Variants in SPART observed in about 807,000 individuals in gnomAD.
SPART encodes the protein spartin.
Under a neutral mutation model 58.7 loss-of-function variants are expected in SPART, and 35 were observed. The observed-to-expected ratio is 0.60, with a 90% CI of 0.46 to 0.79. The LOEUF (loss-of-function observed/expected upper bound fraction) is 0.79, where lower values mean the gene tolerates loss of function less well. Among genes scored for constraint, SPART ranks in the 30% least tolerant of loss-of-function variants. The pLI is 0.00. For missense variants in SPART, 730 were observed against 786.1 expected (o/e 0.93, Z 0.85); for synonymous variants, 284 against 280.7 (o/e 1.01, Z -0.12).
chr13:36,314,074 C>T (rs1881414949), intron 6 of SPART, 153 bp downstream of exon 6: 1 of 743,310 alleles, frequency 1.3e-6, no homozygotes, highest in East Asian at 2.7e-5. Context: ...TGCTGGTCCG[C>T]AGGTCTCACT....
At chr13:36,322,552 C>A (rs1882518098) in intron 5 of SPART, among the ~76,000 whole-genome samples, 1 of 152,182 alleles carries the variant, frequency 6.6e-6, no homozygotes, top group African/African-American at 2.4e-5. Flanking sequence ...CCCAACTTTT[C>A]TGGTAAGTTT....
At chr13:36,319,983 C>T (rs892954146) in intron 5 of SPART, among the ~76,000 whole-genome samples, 45 of 152,224 alleles carry the variant, frequency 3.0e-4, no homozygotes, top group South Asian at 1.5e-3. Flanking sequence ...TTCCTAAGCA[C>T]GGTTAGCGCA....
chr13:36,349,154 C>T (rs184637271), upstream of SPART, among the ~76,000 whole-genome samples: 170 of 152,116 alleles, frequency 1.1e-3, 1 homozygote, highest in Non-Finnish European at 1.7e-3. Context: ...TCCTAGCTAC[C>T]CAAGAGGCTG....
chr13:36,311,072 T>A (rs1348955093), intron 8 of SPART, among the ~76,000 whole-genome samples: 1 of 152,186 alleles, frequency 6.6e-6, no homozygotes, highest in African/African-American at 2.4e-5. Context: ...AGAGTAGCTA[T>A]CTTAGTAGGA....
chr13:36,340,184 A>C (rs1017796629), intron 1 of SPART, among the ~76,000 whole-genome samples: 2 of 152,058 alleles, frequency 1.3e-5, no homozygotes, highest in Non-Finnish European at 2.9e-5. Flanking sequence ...AACAAGGTGA[A>C]ACCCTGTCTC....
upstream of SPART, chr13:36,346,933 C>T (rs1885186132): frequency 1.3e-5 from 2 of 152,228 alleles, no homozygotes; most frequent in Admixed American, 1.3e-4. Context: ...CTTCTGTATC[C>T]AGAGCACAGT....
At chr13:36,324,774 AAG>A (rs1358952602) in intron 5 of SPART, among the ~76,000 whole-genome samples, 3 of 152,208 alleles carry the variant, frequency 2.0e-5, no homozygotes, top group Non-Finnish European at 2.9e-5. Flanking sequence ...TGAGACCGAA[AAG>A]AGAGTCAGCG....
At chr13:36,335,857 T>C in intron 1 of SPART, 25 bp from the exon 2 acceptor site, 2 of 1,559,046 alleles carry the variant, frequency 1.3e-6, no homozygotes, top group Non-Finnish European at 1.8e-6. Flanking sequence ...ACATATTTAA[T>C]TATCTTGCTT....
At chr13:36,341,902 C>T (rs1294488563) in intron 1 of SPART, among the ~76,000 whole-genome samples, 1 of 152,198 alleles carries the variant, frequency 6.6e-6, no homozygotes, top group African/African-American at 2.4e-5. Flanking sequence ...GGAATACTAT[C>T]CTGTTGTGTC....
At position 36,335,540 on chromosome 13, in the gene SPART, C is replaced by G; in HGVS notation, c.291G>C (p.Lys97Asn). ...CATTCTGCAGAGAAGTGGCAAGACC[C>G]TTCTCTAGAATTTCCAGCCTGGTGC... ...NVRTRLEILE[K>N]GLATSLQNDL... The change falls in exon 2 of 9, where the codon AAG becomes AAC. Residue 97 changes from lysine to asparagine, a missense_variant. Transcript: ENST00000438666. The G allele has an allele frequency of 1.2e-6, 2 of 1,614,174 alleles. No homozygotes were observed. Among genetic ancestry groups the G allele is most frequent in the South Asian group, 1.1e-5 (1 of 91,084 alleles).
intron 1 of SPART, among the ~76,000 whole-genome samples, chr13:36,362,509 A>G (rs1446765192): frequency 6.6e-6 from 1 of 152,198 alleles, no homozygotes; most frequent in Non-Finnish European, 1.5e-5. Context: ...GTAGTGACTC[A>G]GTTATTGAAA....
At chr13:36,313,294 G>C (rs1323935913) in intron 6 of SPART, among the ~76,000 whole-genome samples, 2 of 152,178 alleles carry the variant, frequency 1.3e-5, no homozygotes, top group Non-Finnish European at 2.9e-5. Context: ...CATAATGATG[G>C]TTTGGTCATT....
At chr13:36,360,967 T>A (rs536173252) in intron 1 of SPART, among the ~76,000 whole-genome samples, 14 of 152,336 alleles carry the variant, frequency 9.2e-5, no homozygotes, top group African/African-American at 2.9e-4. Flanking sequence ...TAGACAACTC[T>A]GTCCAGAAAT....
chr13:36,322,746 TA>T (rs761239885), intron 5 of SPART, among the ~76,000 whole-genome samples: 2 of 152,202 alleles, frequency 1.3e-5, no homozygotes, highest in Non-Finnish European at 2.9e-5. Context: ...CGTAGTCCTC[TA>T]AAAACCTAGA....
chr13:36,307,914 T>C (rs1430022802), intron 8 of SPART, among the ~76,000 whole-genome samples: 1 of 152,112 alleles, frequency 6.6e-6, no homozygotes, highest in Non-Finnish European at 1.5e-5. Flanking sequence ...GTTTATATAA[T>C]ACATTTGGTT....
At chr13:36,339,317 T>C (rs1305510371) in intron 1 of SPART, among the ~76,000 whole-genome samples, 1 of 151,264 alleles carries the variant, frequency 6.6e-6, no homozygotes, top group Non-Finnish European at 1.5e-5. Context: ...AGATGAAAAA[T>C]AGGCAATAAT....
In SPART at chr13:36,331,508, A is replaced by G; in HGVS notation, c.899T>C (p.Leu300Pro). 1.2e-6 allele frequency: 2 copies of G among 1,614,122 alleles called. No individual in the cohort carries two copies. The highest frequency in any genetic ancestry group is 1.7e-6 in the Non-Finnish European group (2 of 1,179,988). The change falls in exon 3 of 9, where the codon CTA becomes CCA. Residue 300 changes from leucine (L) to proline (P), a missense_variant. Leu to Pro is a moderately conservative substitution (Grantham distance 98). Transcript: ENST00000438666. The stretch of plus-strand genomic sequence containing the variant: ...CCCCACAAAGCATCCTGCTGCTTGT[A>G]GCATTGTATCAGGAAACATGTAGGC... ...AGAYMFPDTM[L>P]QAAGCFVGVV...
rs546645035 is a variant in SPART, at chr13:36,346,342, C to G, written c.-120G>C. ...GGGCGCCGCTGCGCTCGCCGGGGGC[C>G]GGTCCCGAGGTTCCCAAGGCCTCGC... On this transcript the variant is annotated 5_prime_UTR_variant, in exon 1 of 9. Transcript: ENST00000438666. The G allele has an allele frequency of 1.3e-5, 2 of 152,300 alleles. No individual in the cohort carries two copies. The highest frequency in any genetic ancestry group is 1.9e-4 in the East Asian group (1 of 5,140). 9.4% of individuals were successfully genotyped at this position (152,300 alleles called of 1,614,324 possible).
chr13:36,339,942 GCCTGTAGTT>G, intron 1 of SPART, among the ~76,000 whole-genome samples: 1 of 152,180 alleles, frequency 6.6e-6, no homozygotes, highest in South Asian at 2.1e-4. Context: ...GCTGGCGCGT[GCCTGTAGTT>G]CCAGCTACTC....
Sources: allele counts gnomAD v4.1 joint callset (sites outside exome capture counted in the v4.1 genomes callset), GRCh38; gene constraint gnomAD v4.1.1; transcripts MANE v1.5; gene names NCBI Gene and HGNC (gene_info 2026-07-23, HGNC 2026-07-21).